The following ELAVL2 variants were observed in gnomAD, a reference collection of about 807,000 sequenced individuals.
ELAVL2 encodes the protein ELAV-like protein 2.
In ELAVL2, 4 loss-of-function variants were observed where a neutral mutation model predicts 34.6. That is an observed-to-expected ratio of 0.12 (90% CI 0.06 to 0.26). The LOEUF (loss-of-function observed/expected upper bound fraction) is 0.26, where lower values mean the gene tolerates loss of function less well. ELAVL2 is among the 10% of genes least tolerant of loss of function. The pLI is 1.00. For synonymous variants in ELAVL2, 193 were observed against 154.8 expected (o/e 1.25, Z -1.83); for missense variants, 432 against 442.8 (o/e 0.98, Z 0.22).
At chr9:23,809,721 A>G (rs890457569) in intron 1 of ELAVL2, among the ~76,000 whole-genome samples, 1 of 152,176 alleles carries the variant, frequency 6.6e-6, no homozygotes, top group Non-Finnish European at 1.5e-5. Context: ...AAAACACACT[A>G]TGTGAGAGAT....
chr9:23,709,156 G>A (rs772468050), intron 3 of ELAVL2, among the ~76,000 whole-genome samples: 1 of 152,026 alleles, frequency 6.6e-6, no homozygotes, highest in African/African-American at 2.4e-5. Flanking sequence ...AAGGCTCAAG[G>A]TCCTACCCCT....
intron 4 of ELAVL2, among the ~76,000 whole-genome samples, chr9:23,704,673 A>C (rs1318533671): frequency 6.6e-6 from 1 of 152,232 alleles, no homozygotes; most frequent in Non-Finnish European, 1.5e-5. Context: ...ATTTATTACA[A>C]GCCATGAAAC....
intron 2 of ELAVL2, among the ~76,000 whole-genome samples, chr9:23,753,703 G>C (rs750930456): frequency 6.6e-6 from 1 of 151,712 alleles, no homozygotes; most frequent in East Asian, 1.9e-4. Flanking sequence ...TCATTCCTAC[G>C]ACAAGCGCTT....
the ELAVL2 span, among the ~76,000 whole-genome samples, chr9:23,843,054 T>G: frequency 6.6e-6 from 1 of 152,254 alleles, no homozygotes; most frequent in Non-Finnish European, 1.5e-5. Context: ...TCTGTTTGGC[T>G]TTTGAAGAGC....
intron 1 of ELAVL2, among the ~76,000 whole-genome samples, chr9:23,768,109 A>G (rs927314509): frequency 6.6e-6 from 1 of 152,168 alleles, no homozygotes; most frequent in Non-Finnish European, 1.5e-5. Flanking sequence ...TAGACTTTCT[A>G]AACCCTCCCA....
chr9:23,806,590 A>G (rs2137885773), intron 1 of ELAVL2, among the ~76,000 whole-genome samples: 1 of 152,246 alleles, frequency 6.6e-6, no homozygotes, highest in South Asian at 2.1e-4. Flanking sequence ...GTTAACTATG[A>G]TCATGCCACT....
chr9:23,711,244 A>G (rs1265907391), intron 3 of ELAVL2, among the ~76,000 whole-genome samples: 3 of 152,194 alleles, frequency 2.0e-5, no homozygotes, highest in Non-Finnish European at 4.4e-5. Flanking sequence ...ATTCCAAAAT[A>G]TAGGATTTAG....
intron 1 of ELAVL2, among the ~76,000 whole-genome samples, chr9:23,813,359 G>C (rs556561046): frequency 1.3e-5 from 2 of 151,642 alleles, no homozygotes; most frequent in South Asian, 4.2e-4. Flanking sequence ...AAAGGGGAAA[G>C]GGAGAGAAAT....
intron 2 of ELAVL2, among the ~76,000 whole-genome samples, chr9:23,749,819 T>C (rs539469215): frequency 6.6e-6 from 1 of 152,224 alleles, no homozygotes; most frequent in South Asian, 2.1e-4. Context: ...TAGAGGTTTC[T>C]ATGTGTGGTG....
In ELAVL2 at chr9:23,822,419, T is replaced by A. The variant is rs114480055; in HGVS notation, c.-16+3387A>T. Reference sequence around the variant, plus strand: ...CAAAGTAGGAAATCCTGCACTCGACTATGCAAACGCTTGCCGCTAGCCGCA... The same window carrying A: ...CAAAGTAGGAAATCCTGCACTCGACAATGCAAACGCTTGCCGCTAGCCGCA... On this transcript the variant is annotated intron_variant, in intron 1 of 6. Transcript: ENST00000397312. 2.7e-3 allele frequency among the ~76,000 whole-genome samples: 409 copies of A among 152,218 alleles called. 2 individuals are homozygous for A. Among genetic ancestry groups the A allele is most frequent in the African/African-American group, 9.4e-3 (392 of 41,560 alleles).
intron 3 of ELAVL2, among the ~76,000 whole-genome samples, chr9:23,725,140 C>T (rs1433494255): frequency 6.6e-6 from 1 of 152,114 alleles, no homozygotes; most frequent in Non-Finnish European, 1.5e-5. Flanking sequence ...AAATACAAAA[C>T]AAACCTTCCT....
At chr9:23,695,875 G>C (rs1028006883) in intron 5 of ELAVL2, among the ~76,000 whole-genome samples, 44 of 152,272 alleles carry the variant, frequency 2.9e-4, no homozygotes, top group Admixed American at 2.3e-3. Context: ...ATGCATGACT[G>C]TACATGCAGT....
At chr9:23,842,704 C>T in the ELAVL2 span, among the ~76,000 whole-genome samples, 1 of 152,028 alleles carries the variant, frequency 6.6e-6, no homozygotes, top group Non-Finnish European at 1.5e-5. Flanking sequence ...ATAGCTGTCA[C>T]TGCAGCACTA....
chr9:23,711,919 T>C (rs1004267408), intron 3 of ELAVL2, among the ~76,000 whole-genome samples: 1 of 152,168 alleles, frequency 6.6e-6, no homozygotes, highest in Non-Finnish European at 1.5e-5. Context: ...GCCACAATCT[T>C]TGTCATATAC....
At chr9:23,827,714 G>A (rs1057447409), upstream of ELAVL2, among the ~76,000 whole-genome samples, 2 of 152,194 alleles carry the variant, frequency 1.3e-5, no homozygotes, top group Admixed American at 6.5e-5. Context: ...TCATGGAGGG[G>A]AATGGGACAG....
At chr9:23,811,421 A>G (rs2062982987) in intron 1 of ELAVL2, among the ~76,000 whole-genome samples, 1 of 152,110 alleles carries the variant, frequency 6.6e-6, no homozygotes, top group Non-Finnish European at 1.5e-5. Flanking sequence ...CACTGGCATG[A>G]GAAAGCCATA....
chr9:23,796,641 T>C (rs1208937854), intron 1 of ELAVL2, among the ~76,000 whole-genome samples: 2 of 152,182 alleles, frequency 1.3e-5, no homozygotes, highest in South Asian at 4.1e-4. Flanking sequence ...ATATCTAGAG[T>C]TTACACCATC....
chr9:23,847,928 AG>A, the ELAVL2 span, among the ~76,000 whole-genome samples: 2 of 152,074 alleles, frequency 1.3e-5, no homozygotes, highest in Non-Finnish European at 2.9e-5. Context: ...TTCAGTGTTT[AG>A]GTAAAAACTA....
chr9:23,734,420 C>T (rs1158154945), intron 2 of ELAVL2, among the ~76,000 whole-genome samples: 2 of 152,274 alleles, frequency 1.3e-5, no homozygotes, highest in African/African-American at 4.8e-5. Context: ...GGTCAATCAG[C>T]TTCTACAAAT....
Sources: allele counts gnomAD v4.1 joint callset (sites outside exome capture counted in the v4.1 genomes callset), GRCh38; gene constraint gnomAD v4.1.1; transcripts MANE v1.5; gene names NCBI Gene and HGNC (gene_info 2026-07-23, HGNC 2026-07-21).